The following PGM5 variants were observed in gnomAD, a reference collection of about 807,000 sequenced individuals.
PGM5 encodes the protein phosphoglucomutase-like protein 5.
PGM5 carries 23 observed loss-of-function variants against 59.2 expected under a neutral mutation model. The observed-to-expected ratio is 0.39, with a 90% CI of 0.28 to 0.55. The LOEUF (loss-of-function observed/expected upper bound fraction) is 0.55. PGM5 is among the 20% of genes least tolerant of loss of function. PGM5 has a pLI of 0.66. For synonymous variants in PGM5, 214 were observed against 286.0 expected (o/e 0.75, Z 2.54); for missense variants, 574 against 748.3 (o/e 0.77, Z 2.72).
intron 6 of PGM5, among the ~76,000 whole-genome samples, chr9:68,431,986 C>T (rs1451234605): frequency 6.6e-6 from 1 of 152,136 alleles, no homozygotes; most frequent in East Asian, 1.9e-4. Context: ...GAGATGTTTG[C>T]AGACCAGGAG....
chr9:68,431,243 C>A (rs1474144753), intron 6 of PGM5, among the ~76,000 whole-genome samples: 2 of 152,192 alleles, frequency 1.3e-5, no homozygotes, highest in Admixed American at 1.3e-4. Context: ...CGCCTTCCCA[C>A]TACTCGCCAA....
intron 7 of PGM5, among the ~76,000 whole-genome samples, chr9:68,473,810 G>C (rs1301911243): frequency 6.6e-6 from 1 of 152,130 alleles, no homozygotes; most frequent in Non-Finnish European, 1.5e-5. Context: ...TCACTCCAAA[G>C]CTGGCAAAGT....
Position 68,484,039 on chromosome 9 carries a change from C to G in PGM5, c.1470C>G (p.Thr490=). 1 of 1,612,906 alleles carries G rather than the reference C, an allele frequency of 6.2e-7. No individual in the cohort carries two copies. ...TGGACCCTGTGGATGGCACTGTGAC[C>G]AAGAAACAGGTACTTGCTAGGAAAT... ...EYVDPVDGTV[T]KKQGLRIIFS... is the part of the protein sequence containing the mutation. The change falls in exon 9 of 11, where the codon ACC becomes ACG. Residue 490 remains threonine (T), a synonymous_variant. Transcript: ENST00000396396.
At chr9:68,401,557 C>A (rs1157855386) in intron 6 of PGM5, among the ~76,000 whole-genome samples, 9 of 151,622 alleles carry the variant, frequency 5.9e-5, no homozygotes, top group Non-Finnish European at 1.3e-4. Flanking sequence ...TCCTTAGAAT[C>A]GCCCTGTCTG....
intron 10 of PGM5, among the ~76,000 whole-genome samples, chr9:68,517,366 T>C (rs1824839132): frequency 6.6e-6 from 1 of 152,182 alleles, no homozygotes; most frequent in Non-Finnish European, 1.5e-5. Context: ...CAAAAATCTC[T>C]ATTTCAGAAA....
chr9:68,386,730 G>A (rs1472245735), intron 3 of PGM5, among the ~76,000 whole-genome samples: 1 of 152,050 alleles, frequency 6.6e-6, no homozygotes, highest in Non-Finnish European at 1.5e-5. Flanking sequence ...AGTACTTTCT[G>A]AGCATTAATT....
intron 6 of PGM5, among the ~76,000 whole-genome samples, chr9:68,444,040 G>C (rs1823571998): frequency 6.6e-6 from 1 of 151,688 alleles, no homozygotes; most frequent in South Asian, 2.1e-4. Context: ...CTACTTAGAA[G>C]AGTCTCTCTC....
chr9:68,440,910 T>G (rs1823518917), intron 6 of PGM5, among the ~76,000 whole-genome samples: 1 of 152,000 alleles, frequency 6.6e-6, no homozygotes, highest in Non-Finnish European at 1.5e-5. Flanking sequence ...TTGATAAACC[T>G]TTAGCAAGAC....
intron 1 of PGM5, among the ~76,000 whole-genome samples, chr9:68,366,702 A>G (rs1482216061): frequency 6.6e-6 from 1 of 152,230 alleles, no homozygotes; most frequent in Non-Finnish European, 1.5e-5. Context: ...TGCAACTTAT[A>G]TGACCATGGG....
At chr9:68,424,501 C>T (rs545983348) in intron 6 of PGM5, among the ~76,000 whole-genome samples, 1 of 152,110 alleles carries the variant, frequency 6.6e-6, no homozygotes, top group Non-Finnish European at 1.5e-5. Flanking sequence ...ATCTAATCAC[C>T]CCCAAAAGGT....
intron 8 of PGM5, among the ~76,000 whole-genome samples, chr9:68,483,183 C>A (rs145943768): frequency 2.6e-3 from 394 of 152,222 alleles, no homozygotes; most frequent in African/African-American, 8.9e-3. Context: ...CTGGAGCTCA[C>A]GTTCTGGTGG....
chr9:68,446,526 C>T (rs1554684010), intron 6 of PGM5, among the ~76,000 whole-genome samples: 1 of 152,214 alleles, frequency 6.6e-6, no homozygotes, highest in African/African-American at 2.4e-5. Flanking sequence ...ATTGTTGTCT[C>T]TGTTCAGAAG....
At chr9:68,361,581 A>C (rs1233522199) in intron 1 of PGM5, among the ~76,000 whole-genome samples, 9 of 151,632 alleles carry the variant, frequency 5.9e-5, no homozygotes, top group African/African-American at 2.2e-4. Context: ...GTTAGGACCA[A>C]CTTTCTGGTT....
chr9:68,451,647 G>C (rs1823698540), intron 6 of PGM5, among the ~76,000 whole-genome samples: 1 of 152,168 alleles, frequency 6.6e-6, no homozygotes, highest in African/African-American at 2.4e-5. Context: ...TTCAAAGTTG[G>C]GTCTTTAACA....
chr9:68,488,764 TCTTC>T (rs782019783), intron 9 of PGM5, among the ~76,000 whole-genome samples: 2 of 152,212 alleles, frequency 1.3e-5, no homozygotes, highest in African/African-American at 2.4e-5. Flanking sequence ...CAACTGCAGT[TCTTC>T]CTTCTATCTT....
intron 2 of PGM5, among the ~76,000 whole-genome samples, chr9:68,378,628 C>G (rs1186378013): frequency 3.3e-5 from 5 of 152,098 alleles, no homozygotes; most frequent in Admixed American, 6.6e-5. Flanking sequence ...TGAATTTTAA[C>G]ATTAAAACAT....
chr9:68,406,981 AG>A (rs1369806803), intron 6 of PGM5, among the ~76,000 whole-genome samples: 3 of 151,754 alleles, frequency 2.0e-5, no homozygotes, highest in Non-Finnish European at 4.4e-5. Flanking sequence ...AGTCCATCAG[AG>A]CTTCCAGAGG....
intron 1 of PGM5, among the ~76,000 whole-genome samples, chr9:68,376,765 A>ATTTATTTCTTTC (rs1821897753): frequency 1.0e-5 from 1 of 96,720 alleles, no homozygotes; most frequent in African/African-American, 4.2e-5. Flanking sequence ...GAGGTTCTGC[A>ATTTATTTCTTTC]TTTCTTTCTT....
chr9:68,448,909 C>G (rs1291190537), intron 6 of PGM5, among the ~76,000 whole-genome samples: 1 of 152,158 alleles, frequency 6.6e-6, no homozygotes, highest in Non-Finnish European at 1.5e-5. Context: ...GCCTCTCATT[C>G]TAGACTTCTT....
Sources: allele counts gnomAD v4.1 joint callset (sites outside exome capture counted in the v4.1 genomes callset), GRCh38; gene constraint gnomAD v4.1.1; transcripts MANE v1.5; gene names NCBI Gene and HGNC (gene_info 2026-07-23, HGNC 2026-07-21).